Variants in WWTR1 observed in about 807,000 individuals in gnomAD.
WWTR1 encodes the protein WW domain containing transcription regulator 1.
WWTR1 carries 13 observed loss-of-function variants against 40.1 expected under a neutral mutation model. The observed-to-expected ratio is 0.32, with a 90% CI of 0.21 to 0.52. The LOEUF is 0.52. WWTR1 is among the 20% of genes least tolerant of loss of function. WWTR1 has a pLI of 0.97. For synonymous variants in WWTR1, 230 were observed against 210.1 expected, an observed-to-expected ratio of 1.09 and a Z score of -0.82; for missense variants, 436 against 523.1, an observed-to-expected ratio of 0.83 and a Z score of 1.63.
At chr3:149,689,878 A>G (rs1714762790) in intron 1 of WWTR1, among the ~76,000 whole-genome samples, 1 of 152,198 alleles carries the variant, frequency 6.6e-6, no homozygotes, top group Admixed American at 6.5e-5. Flanking sequence ...TACTAAAGAG[A>G]TGAACCTATC....
intron 1 of WWTR1, among the ~76,000 whole-genome samples, chr3:149,691,092 T>C (rs1462505290): frequency 1.3e-5 from 2 of 151,928 alleles, no homozygotes. Context: ...AAAATTTTTT[T>C]TTAAAAGAAA....
intron 2 of WWTR1, among the ~76,000 whole-genome samples, chr3:149,651,020 T>C (rs529962184): frequency 1.3e-5 from 2 of 152,336 alleles, no homozygotes; most frequent in Non-Finnish European, 2.9e-5. Context: ...AACTAACTTG[T>C]ACTGAACATC....
chr3:149,565,170 G>T (rs373575070), intron 3 of WWTR1, among the ~76,000 whole-genome samples: 45 of 152,082 alleles, frequency 3.0e-4, no homozygotes, highest in African/African-American at 9.9e-4. Context: ...CAGGGCAACG[G>T]ACCAAGATTG....
chr3:149,610,713 G>A (rs1163997088), intron 2 of WWTR1, among the ~76,000 whole-genome samples: 1 of 152,166 alleles, frequency 6.6e-6, no homozygotes, highest in African/African-American at 2.4e-5. Context: ...AAGGACAGCA[G>A]GGTTGCCAAC....
chr3:149,685,212 G>A (rs530260236), intron 1 of WWTR1, among the ~76,000 whole-genome samples: 20 of 152,324 alleles, frequency 1.3e-4, no homozygotes, highest in African/African-American at 4.6e-4. Flanking sequence ...CCTGATCGAA[G>A]ATGGACTATT....
intron 3 of WWTR1, among the ~76,000 whole-genome samples, chr3:149,563,259 C>A (rs541773156): frequency 1.3e-5 from 2 of 152,244 alleles, no homozygotes; most frequent in South Asian, 2.1e-4. Flanking sequence ...TTTGACCTAG[C>A]CTTCACCTTC....
chr3:149,683,556 T>C (rs988697661), intron 1 of WWTR1, among the ~76,000 whole-genome samples: 3 of 152,086 alleles, frequency 2.0e-5, no homozygotes, highest in Admixed American at 6.5e-5. Context: ...TAGCTGGGCA[T>C]GGTGGCATGC....
At chr3:149,700,799 CT>C (rs896739879) in intron 1 of WWTR1, among the ~76,000 whole-genome samples, 25 of 152,096 alleles carry the variant, frequency 1.6e-4, no homozygotes, top group African/African-American at 5.6e-4. Context: ...CACGTATGGG[CT>C]TCTAAAGAAA....
chr3:149,650,333 A>G (rs372377946), intron 2 of WWTR1: 42 of 152,338 alleles, frequency 2.8e-4, no homozygotes, highest in African/African-American at 9.1e-4. Context: ...CAGGTTTTGG[A>G]ATCACAGAGT....
intron 5 of WWTR1, among the ~76,000 whole-genome samples, chr3:149,527,398 C>T (rs971747599): frequency 1.3e-5 from 2 of 152,066 alleles, no homozygotes; most frequent in Non-Finnish European, 2.9e-5. Flanking sequence ...CTGCCCACCT[C>T]GGCCTCCCAA....
At chr3:149,584,080 A>C (rs1738291191) in intron 2 of WWTR1, among the ~76,000 whole-genome samples, 1 of 152,196 alleles carries the variant, frequency 6.6e-6, no homozygotes, top group African/African-American at 2.4e-5. Flanking sequence ...CTCTGTGCCT[A>C]ACACGTTTTT....
chr3:149,639,731 C>A (rs879309833), intron 2 of WWTR1, among the ~76,000 whole-genome samples: 3 of 152,036 alleles, frequency 2.0e-5, no homozygotes, highest in East Asian at 1.9e-4. Flanking sequence ...CAGTGGCTCA[C>A]GCCTGTAATC....
chr3:149,696,061 C>T (rs1207644860), intron 1 of WWTR1, among the ~76,000 whole-genome samples: 3 of 129,936 alleles, frequency 2.3e-5, no homozygotes, highest in Non-Finnish European at 4.6e-5. Flanking sequence ...TGCAGTGAGC[C>T]GAGATCACGC....
At chr3:149,545,755 G>A (rs56105183) in intron 3 of WWTR1, among the ~76,000 whole-genome samples, 1 of 152,250 alleles carries the variant, frequency 6.6e-6, no homozygotes, top group South Asian at 2.1e-4. Context: ...TCCTGGCCTC[G>A]AGTGATCCAC....
At position 149,517,540 on chromosome 3, in the gene WWTR1, G is replaced by A. The variant is rs1010453700; in HGVS notation, c.*3265C>T. 4 of 151,960 alleles carry A rather than the reference G, an allele frequency of 2.6e-5. No individual in the cohort carries two copies. Among genetic ancestry groups the A allele is most frequent in the Non-Finnish European group, 4.4e-5 (3 of 67,992 alleles). 9.4% of individuals were successfully genotyped at this position (151,960 alleles called of 1,614,324 possible). A position where few individuals can be genotyped will look rare whatever the true frequency, so the allele number is the denominator to read the frequency against. On this transcript the variant is annotated 3_prime_UTR_variant, in exon 7 of 7. Coordinates refer to ENST00000360632, the MANE Select transcript of WWTR1 (RefSeq NM_015472.6). ...TTTTTTCATAAAAGTTGTACTTTGA[G>A]AAGTTACTTTCTAATTACGTCATGA...
intron 2 of WWTR1, among the ~76,000 whole-genome samples, chr3:149,668,363 T>C (rs2108186628): frequency 6.6e-6 from 1 of 152,198 alleles, no homozygotes; most frequent in African/African-American, 2.4e-5. Context: ...TCTGAGCACT[T>C]TGGGAGGCTA....
At chr3:149,582,691 C>T (rs1259663515) in intron 2 of WWTR1, among the ~76,000 whole-genome samples, 3 of 152,110 alleles carry the variant, frequency 2.0e-5, no homozygotes, top group Admixed American at 1.3e-4. Flanking sequence ...GATCATACCA[C>T]TGCACCCCAG....
At chr3:149,679,637 A>G (rs1169308760) in intron 1 of WWTR1, among the ~76,000 whole-genome samples, 2 of 147,238 alleles carry the variant, frequency 1.4e-5, no homozygotes, top group East Asian at 4.0e-4. Flanking sequence ...GAACAGATGG[A>G]ATGGTGGGAA....
At chr3:149,560,638 A>G (rs1268853597) in intron 3 of WWTR1, among the ~76,000 whole-genome samples, 5 of 152,248 alleles carry the variant, frequency 3.3e-5, no homozygotes, top group Non-Finnish European at 7.3e-5. Context: ...TAAATCAGCC[A>G]CATTAATTTT....
Sources: gnomAD v4.1 joint callset for allele counts (sites outside exome capture counted in the v4.1 genomes callset) on GRCh38, gnomAD v4.1.1 for gene constraint, MANE v1.5 for transcripts, NCBI Gene and HGNC (gene_info 2026-07-23, HGNC 2026-07-21) for gene names.